SLC7A8: variants seen among roughly 807,000 people sequenced by gnomAD.
SLC7A8 encodes the protein large neutral amino acids transporter small subunit 2.
A neutral mutation model predicts 51.2 loss-of-function variants in SLC7A8; 30 were observed. That is an observed-to-expected ratio of 0.59 (90% CI 0.44 to 0.80). The LOEUF (loss-of-function observed/expected upper bound fraction) is 0.80, where lower values mean the gene tolerates loss of function less well. SLC7A8 is among the 30% of genes least tolerant of loss of function. The pLI is 0.00. For missense variants in SLC7A8, 612 were observed against 674.4 expected (o/e 0.91, Z 1.03); for synonymous variants, 257 against 275.8 (o/e 0.93, Z 0.67).
intron 1 of SLC7A8, among the ~76,000 whole-genome samples, chr14:23,167,714 C>T (rs1416780051): frequency 6.6e-6 from 1 of 152,240 alleles, no homozygotes; most frequent in African/African-American, 2.4e-5. Context: ...CCCAGCTGCA[C>T]TGCTAAATGC....
intron 1 of SLC7A8, among the ~76,000 whole-genome samples, chr14:23,172,584 C>T (rs2048980325): frequency 6.6e-6 from 1 of 152,192 alleles, no homozygotes; most frequent in African/African-American, 2.4e-5. Context: ...CTCCAGCATT[C>T]CCGGCCCAAC....
At position 23,128,326 on chromosome 14, in the gene SLC7A8, G is replaced by A. The variant is rs766408333; in HGVS notation, c.1264-130C>T. 18 of 1,543,734 alleles carry A rather than the reference G, an allele frequency of 1.2e-5. No homozygotes were observed. Among genetic ancestry groups the A allele is most frequent in the African/African-American group, 5.5e-5 (4 of 73,154 alleles). Reference sequence around the variant, plus strand: ...CAAGGGCAAAGGCTGGGCTTCCCTCGGCTCTGTGGTCCCACACTCACCCCT... The same window carrying A: ...CAAGGGCAAAGGCTGGGCTTCCCTCAGCTCTGTGGTCCCACACTCACCCCT... On this transcript the variant is annotated intron_variant, in intron 9 of 10. Coordinates refer to ENST00000316902, the MANE Select transcript of SLC7A8 (RefSeq NM_012244.4). This position sits in a 1 kb window ranked among gnomAD's most constrained non-coding sequence, Gnocchi z 4.3.
intron 1 of SLC7A8, among the ~76,000 whole-genome samples, chr14:23,178,818 G>C (rs541930273): frequency 1.2e-4 from 18 of 147,532 alleles, no homozygotes; most frequent in South Asian, 2.1e-4. Flanking sequence ...AATTGCTTTC[G>C]AGGCTGCAGT....
chr14:23,155,112 C>A, intron 3 of SLC7A8: 1 of 1,494,164 alleles, frequency 6.7e-7, no homozygotes, highest in Non-Finnish European at 9.0e-7. Flanking sequence ...TCTTGCCTAT[C>A]GCACGATAGT....
intron 5 of SLC7A8, 71 bp from the exon 6 acceptor site, chr14:23,139,618 G>C: frequency 3.9e-6 from 6 of 1,541,032 alleles, no homozygotes; most frequent in South Asian, 3.7e-5. Context: ...AGTCCAGGGG[G>C]TGTCTTCTGT....
chr14:23,140,686 G>C (rs536770336), intron 4 of SLC7A8, 62 bp from the exon 5 acceptor site: 1 of 1,524,894 alleles, frequency 6.6e-7, no homozygotes, highest in Middle Eastern at 2.3e-4. Context: ...GCAGCCCCTG[G>C]CCTGCCCTGG....
At chr14:23,162,203 G>A (rs527616631) in intron 3 of SLC7A8, among the ~76,000 whole-genome samples, 3 of 152,132 alleles carry the variant, frequency 2.0e-5, no homozygotes, top group Non-Finnish European at 4.4e-5. Context: ...ATGCATGTAC[G>A]TGTGCACCCT....
intron 9 of SLC7A8, 120 bp downstream of exon 9, chr14:23,129,530 T>G: frequency 8.3e-7 from 1 of 1,209,742 alleles, no homozygotes; most frequent in Non-Finnish European, 1.2e-6. Context: ...CCAAAGGGTC[T>G]GCTACCATCA....
intron 3 of SLC7A8, among the ~76,000 whole-genome samples, chr14:23,156,143 C>T (rs575003666): frequency 3.3e-5 from 5 of 152,094 alleles, no homozygotes; most frequent in Admixed American, 2.0e-4. Context: ...GGATTACAGG[C>T]ATATGTCACC....
chr14:23,174,489 T>C (rs17256099), intron 1 of SLC7A8, among the ~76,000 whole-genome samples: 19,340 of 152,236 alleles, frequency 0.13, 1,575 homozygotes, highest in East Asian at 0.46. Context: ...TGGGAAGACA[T>C]GTGACTGTGA....
chr14:23,128,927 C>G lies in SLC7A8; in HGVS notation c.1263+723G>C, dbSNP rs901874557. On this transcript the variant is annotated intron_variant, in intron 9 of 10. Coordinates refer to ENST00000316902, the MANE Select transcript of SLC7A8 (RefSeq NM_012244.4). The surrounding 1 kb of genome is among the most constrained non-coding windows in gnomAD (Gnocchi z 4.3). ...GTGAGGAACTGAGAGATTTGGAGAG[C>G]CTTTGATTTTTCAGCTGGAAGGATC... is the stretch of plus-strand genomic sequence containing the variant. Among the ~76,000 whole-genome samples, 3 of 152,090 alleles carry G rather than the reference C, an allele frequency of 2.0e-5. No homozygotes were observed. The highest frequency in any genetic ancestry group is 7.2e-5 in the African/African-American group (3 of 41,386).
In SLC7A8 at chr14:23,177,313, CCAAT is replaced by C. The variant is rs572115180; in HGVS notation, c.151+5447_151+5450del. Reference sequence around the variant, plus strand: ...TTTTGTACCATTCACTGAGTTTCAGCCAATCAAAGGCAGCCAACTGTCCAACCCT... The same window carrying C: ...TTTTGTACCATTCACTGAGTTTCAGCCAAAGGCAGCCAACTGTCCAACCCT... On this transcript the variant is annotated intron_variant, in intron 1 of 10. Coordinates refer to ENST00000316902, the MANE Select transcript of SLC7A8 (RefSeq NM_012244.4). 1.1e-3 allele frequency among the ~76,000 whole-genome samples: 174 copies of C among 152,332 alleles called. 1 individual carries two copies. The highest frequency in any genetic ancestry group is 4.1e-3 in the African/African-American group (171 of 41,570).
chr14:23,168,550 A>G (rs2048961323), intron 1 of SLC7A8, among the ~76,000 whole-genome samples: 4 of 152,360 alleles, frequency 2.6e-5, no homozygotes, highest in Middle Eastern at 6.8e-3. Context: ...TAGGGTTATA[A>G]AACCAGCTCA....
intron 3 of SLC7A8, among the ~76,000 whole-genome samples, chr14:23,164,983 C>T (rs2048941641): frequency 2.7e-5 from 4 of 147,444 alleles, no homozygotes; most frequent in South Asian, 4.5e-4. Context: ...CAGAGTGAGA[C>T]CCTGCCTCAA....
At position 23,165,545 on chromosome 14, in the gene SLC7A8, G is replaced by C; in HGVS notation, c.357-109C>G. ...CTTTTTTATTTTCAAGGATGCTGAA[G>C]AGCCCAGCCTCTGCCCCCACCCACA... On this transcript the variant is annotated intron_variant, in intron 2 of 10. Transcript: ENST00000316902. The surrounding 1 kb of genome is among the most constrained non-coding windows in gnomAD (Gnocchi z 4.2). 8.4e-7 allele frequency: 1 copy of C among 1,191,180 alleles called. No individual in the cohort carries two copies. The highest frequency in any genetic ancestry group is 1.1e-6 in the Non-Finnish European group (1 of 873,326). 73.8% of individuals were successfully genotyped at this position (1,191,180 alleles called of 1,614,324 possible). A position where few individuals can be genotyped will look rare whatever the true frequency, so the allele number is the denominator to read the frequency against.
Position 23,125,315 on chromosome 14 carries a change from T to C in SLC7A8, c.*1862A>G, listed in dbSNP as rs2048565566. ...CCAACTTCATTTCCATTTTAAATTT[T>C]ATTACATCAAAAGAAAAAAACCTCT... is the stretch of plus-strand genomic sequence containing the variant. On this transcript the variant is annotated 3_prime_UTR_variant, in exon 11 of 11. Transcript: ENST00000316902. The C allele has an allele frequency of 6.6e-6, 1 of 152,168 alleles. No homozygotes were observed. Among genetic ancestry groups the C allele is most frequent in the Admixed American group, 6.5e-5 (1 of 15,274 alleles). 9.4% of individuals were successfully genotyped at this position (152,168 alleles called of 1,614,324 possible).
chr14:23,143,458 A>T (rs1302133961), intron 3 of SLC7A8, among the ~76,000 whole-genome samples: 1 of 152,228 alleles, frequency 6.6e-6, no homozygotes, highest in Non-Finnish European at 1.5e-5. Flanking sequence ...GTAGGCATGG[A>T]AGTGTAGGCA....
chr14:23,166,236 GA>G, intron 2 of SLC7A8, 99 bp downstream of exon 2: 1 of 1,289,212 alleles, frequency 7.8e-7, no homozygotes, highest in African/African-American at 1.5e-5. Flanking sequence ...GCACACTGGA[GA>G]CTGGAAACCC....
chr14:23,166,035 A>G (rs2048947904), intron 2 of SLC7A8, among the ~76,000 whole-genome samples: 3 of 152,140 alleles, frequency 2.0e-5, no homozygotes. Flanking sequence ...TTCTCTGGGA[A>G]TCTATGGTCA....
Sources: gnomAD v4.1 joint callset for allele counts (sites outside exome capture counted in the v4.1 genomes callset) on GRCh38, gnomAD v4.1.1 for gene constraint, Gnocchi (gnomAD v3.1) non-coding constraint, MANE v1.5 for transcripts, NCBI Gene and HGNC (gene_info 2026-07-23, HGNC 2026-07-21) for gene names.